The following ATP6V0A4 variants were observed in gnomAD, a reference collection of about 807,000 sequenced individuals.
ATP6V0A4 encodes ATPase H+ transporting V0 subunit a4.
Under a neutral mutation model 107.3 loss-of-function variants are expected in ATP6V0A4, and 86 were observed. That is an observed-to-expected ratio of 0.80 (90% CI 0.67 to 0.96). The LOEUF (loss-of-function observed/expected upper bound fraction) is 0.96, where lower values mean the gene tolerates loss of function less well. Ranked by LOEUF, ATP6V0A4 falls within the 40% of genes least tolerant of loss-of-function variation. ATP6V0A4 has a pLI of 0.00. For missense variants in ATP6V0A4, 908 were observed against 1,045.6 expected (o/e 0.87, Z 1.81); for synonymous variants, 353 against 381.4 (o/e 0.93, Z 0.87).
chr7:138,765,492 A>T (rs1807040157), intron 5 of ATP6V0A4, among the ~76,000 whole-genome samples: 1 of 152,126 alleles, frequency 6.6e-6, no homozygotes, highest in Non-Finnish European at 1.5e-5. Flanking sequence ...TTCTGAGGGG[A>T]TGGTGGTTTT....
chr7:138,728,633 G>A (rs1584903579), intron 18 of ATP6V0A4, 128 bp downstream of exon 18: 1 of 1,294,390 alleles, frequency 7.7e-7, no homozygotes, highest in Non-Finnish European at 1.1e-6. Context: ...CTCAGGGCGG[G>A]TCAGTTCCTC....
At chr7:138,760,042 G>A (rs745530075) in intron 7 of ATP6V0A4, 164 bp from the exon 8 acceptor site, 38 of 724,194 alleles carry the variant, frequency 5.2e-5, no homozygotes, top group Non-Finnish European at 5.9e-5. Flanking sequence ...AGGCCACCCC[G>A]CATCCAGCCC....
At chr7:138,783,871 A>G (rs1344819739) in intron 2 of ATP6V0A4, among the ~76,000 whole-genome samples, 1 of 152,182 alleles carries the variant, frequency 6.6e-6, no homozygotes, top group Non-Finnish European at 1.5e-5. Flanking sequence ...AACATTTCAT[A>G]GCATTGCTGA....
intron 7 of ATP6V0A4, 97 bp downstream of exon 7, chr7:138,762,243 C>G: frequency 7.0e-7 from 1 of 1,438,332 alleles, no homozygotes; most frequent in Non-Finnish European, 9.8e-7. Flanking sequence ...GGGAAACAGT[C>G]CCCATTCCAA....
At chr7:138,762,018 T>C (rs1806844061) in intron 7 of ATP6V0A4, among the ~76,000 whole-genome samples, 1 of 152,008 alleles carries the variant, frequency 6.6e-6, no homozygotes, top group Admixed American at 6.6e-5. Context: ...AAAACATAAG[T>C]CCCCATAGCC....
intron 1 of ATP6V0A4, among the ~76,000 whole-genome samples, chr7:138,792,691 T>G (rs1385549714): frequency 6.6e-6 from 1 of 151,558 alleles, no homozygotes; most frequent in African/African-American, 2.4e-5. Context: ...TCGGATCTCC[T>G]GGGCTCAAGC....
At chr7:138,746,272 C>T (rs56317995) in intron 13 of ATP6V0A4, among the ~76,000 whole-genome samples, 3,903 of 151,660 alleles carry the variant, frequency 0.026, 144 homozygotes, top group East Asian at 0.098. Context: ...GATTCCCTGT[C>T]TGACTATGTC....
intron 6 of ATP6V0A4, 144 bp from the exon 7 acceptor site, chr7:138,762,578 G>C (rs1806878223): frequency 1.4e-6 from 2 of 1,438,548 alleles, no homozygotes; most frequent in East Asian, 2.5e-5. Flanking sequence ...GAGTGCTCCT[G>C]GCCAGATCAA....
intron 20 of ATP6V0A4, among the ~76,000 whole-genome samples, chr7:138,712,332 G>C (rs1803789210): frequency 6.6e-6 from 1 of 152,134 alleles, no homozygotes; most frequent in Non-Finnish European, 1.5e-5. Flanking sequence ...GAAGGACTTG[G>C]GTCATACCAG....
intron 21 of ATP6V0A4, among the ~76,000 whole-genome samples, chr7:138,707,771 C>G (rs1312180172): frequency 1.3e-5 from 2 of 151,034 alleles, no homozygotes; most frequent in Non-Finnish European, 2.9e-5. Flanking sequence ...CCCTCCCCTT[C>G]ATTTCCTCCA....
chr7:138,740,549 C>T (rs1805582692), intron 14 of ATP6V0A4, among the ~76,000 whole-genome samples: 1 of 128,060 alleles, frequency 7.8e-6, no homozygotes, highest in African/African-American at 2.9e-5. Flanking sequence ...TCAAGCAATT[C>T]TCCTGCCTCA....
In ATP6V0A4 at chr7:138,706,514, T is replaced by C. The variant is rs1000481176; in HGVS notation, c.*110A>G. Reference sequence around the variant, plus strand: ...ATAATACACAGTTTCATGCTTCAGGTGAGCCAAGAACAACCTTCCCATTGA... The same window carrying C: ...ATAATACACAGTTTCATGCTTCAGGCGAGCCAAGAACAACCTTCCCATTGA... On this transcript the variant is annotated 3_prime_UTR_variant, in exon 22 of 22. Coordinates refer to ENST00000310018, the MANE Select transcript of ATP6V0A4 (RefSeq NM_020632.3). 1.3e-4 allele frequency: 168 copies of C among 1,305,108 alleles called. No individual in the cohort carries two copies. Among genetic ancestry groups the C allele is most frequent in the Non-Finnish European group, 1.8e-4 (163 of 925,020 alleles). The allele number at this position is 1,305,108 out of a possible 1,614,324, so 80.8% of individuals were successfully genotyped here. A position where few individuals can be genotyped will look rare whatever the true frequency, so the allele number is the denominator to read the frequency against.
intron 13 of ATP6V0A4, among the ~76,000 whole-genome samples, chr7:138,747,009 T>G (rs1340131189): frequency 6.6e-6 from 1 of 152,348 alleles, no homozygotes; most frequent in East Asian, 1.9e-4. Context: ...CATTACTTGA[T>G]GCCAATTTTT....
chr7:138,745,352 A>C, intron 13 of ATP6V0A4, 72 bp from the exon 14 acceptor site: 1 of 1,607,316 alleles, frequency 6.2e-7, no homozygotes, highest in Non-Finnish European at 8.5e-7. Flanking sequence ...AGCGTTCTAC[A>C]GGATATCTCC....
At chr7:138,707,997 G>A (rs1223322687) in intron 21 of ATP6V0A4, among the ~76,000 whole-genome samples, 3 of 151,384 alleles carry the variant, frequency 2.0e-5, no homozygotes, top group Admixed American at 1.3e-4. Context: ...CTGATACCAT[G>A]TCGGATGATT....
At position 138,709,828 on chromosome 7, in the gene ATP6V0A4, T is replaced by G. The variant is rs547184342; in HGVS notation, c.2258-33A>C. 21 of 1,610,038 alleles carry G rather than the reference T, an allele frequency of 1.3e-5. No homozygotes were observed. The African/African-American group carries it at 2.0e-4, about 15-fold the overall frequency. On this transcript the variant is annotated intron_variant, in intron 20 of 21. Coordinates refer to ENST00000310018, the MANE Select transcript of ATP6V0A4 (RefSeq NM_020632.3). ...GTACGAGAAACCACTGGGATTATCT[T>G]GTAAATGCAGATTGTTATTTATTGT...
At position 138,759,837 on chromosome 7, in the gene ATP6V0A4, A is replaced by G. The variant is rs754280401; in HGVS notation, c.554T>C (p.Phe185Ser). ...GVINRERMAS[F>S]ERLLWRICRG... ...GCAGATTCGCCACAGTAACCGCTCA[A>G]AGGAAGCCATCCTCTCCCTGTTGAT... is the stretch of plus-strand genomic sequence containing the variant. The change falls in exon 8 of 22, where the codon TTT (phenylalanine) becomes TCT (serine). Residue 185 changes from phenylalanine (F) to serine (S), a missense_variant. Phe to Ser is a radical substitution (Grantham distance 155). Coordinates refer to ENST00000310018, the MANE Select transcript of ATP6V0A4 (RefSeq NM_020632.3). 4.3e-6 allele frequency: 7 copies of G among 1,614,106 alleles called. No individual in the cohort carries two copies. Among genetic ancestry groups the G allele is most frequent in the South Asian group, 1.1e-5 (1 of 91,072 alleles).
chr7:138,747,790 T>G lies in ATP6V0A4; in HGVS notation c.1181-226A>C. 3 of 568,716 alleles carry G rather than the reference T, an allele frequency of 5.3e-6. No individual in the cohort carries two copies. The South Asian group carries it at 6.2e-5, about 12-fold the overall frequency. 35.2% of individuals were successfully genotyped at this position (568,716 alleles called of 1,614,324 possible). A position where few individuals can be genotyped will look rare whatever the true frequency, so the allele number is the denominator to read the frequency against. ...TTTTTTTTGAAAGTGGGTCTCGCTC[T>G]GTCACCCAGGCTGGAGTGCAGTGGC... On this transcript the variant is annotated intron_variant, in intron 12 of 21. Transcript: ENST00000310018.
At chr7:138,778,714 C>T (rs73467865) in intron 2 of ATP6V0A4, among the ~76,000 whole-genome samples, 2 of 152,182 alleles carry the variant, frequency 1.3e-5, no homozygotes, top group African/African-American at 4.8e-5. Flanking sequence ...CCCTGCCCCC[C>T]ACCCCATTGC....
Sources: gnomAD v4.1 joint callset for allele counts (sites outside exome capture counted in the v4.1 genomes callset) on GRCh38, gnomAD v4.1.1 for gene constraint, MANE v1.5 for transcripts, NCBI Gene and HGNC (gene_info 2026-07-23, HGNC 2026-07-21) for gene names.